Variants in DOCK1 observed in about 807,000 individuals in gnomAD.
DOCK1 encodes dedicator of cytokinesis protein 1.
A neutral mutation model predicts 262.7 loss-of-function variants in DOCK1; 138 were observed. That is an observed-to-expected ratio of 0.53 (90% CI 0.46 to 0.61). DOCK1 has a LOEUF of 0.61. Ranked by LOEUF, DOCK1 falls within the 20% of genes least tolerant of loss-of-function variation. DOCK1 has a pLI of 0.00. For synonymous variants in DOCK1, 866 were observed against 867.4 expected (o/e 1.00, Z 0.03); for missense variants, 1,908 against 2,370.7 (o/e 0.80, Z 4.05).
intron 29 of DOCK1, among the ~76,000 whole-genome samples, chr10:127,263,714 G>A (rs1402284161): frequency 7.6e-6 from 1 of 132,240 alleles, no homozygotes; most frequent in African/African-American, 2.7e-5. Context: ...ACTCTTATTA[G>A]CTGACTTGCT....
intron 38 of DOCK1, among the ~76,000 whole-genome samples, chr10:127,398,458 C>T (rs927333410): frequency 2.6e-5 from 4 of 152,186 alleles, no homozygotes; most frequent in Admixed American, 1.3e-4. Flanking sequence ...ACGGACTGAA[C>T]GCAGCCTCCT....
chr10:127,417,915 G>A (rs1349282331), intron 44 of DOCK1, among the ~76,000 whole-genome samples: 2 of 152,174 alleles, frequency 1.3e-5, no homozygotes, highest in Middle Eastern at 3.4e-3. Flanking sequence ...GTGCCATGGC[G>A]GAGCCCTGCC....
intron 27 of DOCK1, among the ~76,000 whole-genome samples, chr10:127,154,967 C>G (rs577169418): frequency 1.3e-5 from 2 of 152,290 alleles, no homozygotes; most frequent in South Asian, 2.1e-4. Context: ...TCCTCTCTGA[C>G]ATTTTTAACA....
intron 27 of DOCK1, among the ~76,000 whole-genome samples, chr10:127,147,799 G>A (rs2052038584): frequency 6.6e-6 from 1 of 151,720 alleles, no homozygotes; most frequent in South Asian, 2.1e-4. Flanking sequence ...TTGGGAAGTC[G>A]AGGCGGGTGG....
chr10:126,964,046 C>T (rs1422286290), intron 1 of DOCK1, among the ~76,000 whole-genome samples: 2 of 152,164 alleles, frequency 1.3e-5, no homozygotes, highest in African/African-American at 4.8e-5. Flanking sequence ...TTATTTGTGG[C>T]TACTGGGATC....
chr10:127,389,290 C>T (rs935256847), intron 38 of DOCK1, among the ~76,000 whole-genome samples: 1 of 152,124 alleles, frequency 6.6e-6, no homozygotes, highest in African/African-American at 2.4e-5. Context: ...TGAGTATCCC[C>T]GGCTGCTTTG....
In DOCK1 at chr10:127,012,463, C is replaced by A; in HGVS notation, c.1201+89C>A. 8.9e-7 allele frequency: 1 copy of A among 1,128,372 alleles called. No individual in the cohort carries two copies. The highest frequency in any genetic ancestry group is 1.3e-6 in the Non-Finnish European group (1 of 756,722). 69.9% of individuals were successfully genotyped at this position (1,128,372 alleles called of 1,614,324 possible). On this transcript the variant is annotated intron_variant, in intron 12 of 51. Coordinates refer to ENST00000623213, the MANE Select transcript of DOCK1 (RefSeq NM_001290223.2). The surrounding 1 kb of genome is among the most constrained non-coding windows in gnomAD (Gnocchi z 4.0). ...GGGTTGGTTTTAGTTTGATGTTGAT[C>A]ATGATGGTGGTGATAATGATGGGGA... is the stretch of plus-strand genomic sequence containing the variant.
At chr10:127,402,627 G>A in intron 38 of DOCK1, 2 of 513,230 alleles carry the variant, frequency 3.9e-6, no homozygotes, top group South Asian at 2.8e-5. Context: ...TAGGTGGACA[G>A]CTTGGGAAAA....
intron 21 of DOCK1, 149 bp downstream of exon 21, chr10:127,043,313 C>G: frequency 1.5e-6 from 1 of 655,430 alleles, no homozygotes; most frequent in Non-Finnish European, 2.6e-6. Context: ...TATTGTTTCC[C>G]TCTTAACATA....
intron 29 of DOCK1, among the ~76,000 whole-genome samples, chr10:127,333,490 T>G (rs1189741770): frequency 6.6e-6 from 1 of 152,252 alleles, no homozygotes; most frequent in Non-Finnish European, 1.5e-5. Flanking sequence ...TTTCACTCGC[T>G]AAGTTCCCCT....
At chr10:126,939,641 G>A (rs1052559321) in intron 1 of DOCK1, among the ~76,000 whole-genome samples, 3 of 152,122 alleles carry the variant, frequency 2.0e-5, no homozygotes, top group African/African-American at 7.2e-5. Context: ...GATTACAGGC[G>A]TGAGCCACCG....
intron 51 of DOCK1, among the ~76,000 whole-genome samples, chr10:127,450,222 G>A (rs538960019): frequency 1.3e-5 from 2 of 152,130 alleles, no homozygotes; most frequent in African/African-American, 4.8e-5. Context: ...GGTCATTTTT[G>A]TATTTACTAG....
At chr10:127,206,993 C>T (rs975984331) in intron 27 of DOCK1, among the ~76,000 whole-genome samples, 1 of 152,324 alleles carries the variant, frequency 6.6e-6, no homozygotes, top group East Asian at 1.9e-4. Context: ...AAGTATTTTA[C>T]TTCTAATGCT....
At chr10:127,129,140 G>A (rs1035579344) in intron 27 of DOCK1, among the ~76,000 whole-genome samples, 12 of 152,150 alleles carry the variant, frequency 7.9e-5, no homozygotes, top group Admixed American at 3.3e-4. Flanking sequence ...AGAGGACTCC[G>A]TGTCGTGTGC....
chr10:126,935,746 T>A (rs1389382188), intron 1 of DOCK1, among the ~76,000 whole-genome samples: 2 of 152,238 alleles, frequency 1.3e-5, no homozygotes, highest in Non-Finnish European at 2.9e-5. Flanking sequence ...AGGGCAGTGC[T>A]GAATACTGCC....
At chr10:127,246,793 A>G (rs541012889) in intron 27 of DOCK1, among the ~76,000 whole-genome samples, 4 of 152,352 alleles carry the variant, frequency 2.6e-5, no homozygotes, top group African/African-American at 7.2e-5. Flanking sequence ...CCAAATTAAT[A>G]TAAAAGACAT....
At chr10:127,174,501 A>C (rs1423117919) in intron 27 of DOCK1, among the ~76,000 whole-genome samples, 1 of 152,208 alleles carries the variant, frequency 6.6e-6, no homozygotes, top group African/African-American at 2.4e-5. Context: ...TCAAAACATG[A>C]AGTGCAAGAT....
chr10:127,210,001 A>G (rs2057902878), intron 27 of DOCK1, among the ~76,000 whole-genome samples: 1 of 152,170 alleles, frequency 6.6e-6, no homozygotes, highest in Non-Finnish European at 1.5e-5. Flanking sequence ...AGGAATTCCA[A>G]ACTTGACTGC....
chr10:127,268,005 G>T (rs534507093), intron 29 of DOCK1, among the ~76,000 whole-genome samples: 1 of 152,214 alleles, frequency 6.6e-6, no homozygotes, highest in African/African-American at 2.4e-5. Flanking sequence ...TTCCCCTAGA[G>T]GAAAATCGAC....
Sources: gnomAD v4.1 joint callset for allele counts (sites outside exome capture counted in the v4.1 genomes callset) on GRCh38, gnomAD v4.1.1 for gene constraint, Gnocchi (gnomAD v3.1) non-coding constraint, MANE v1.5 for transcripts, NCBI Gene and HGNC (gene_info 2026-07-23, HGNC 2026-07-21) for gene names.